PDE10A: variants seen among roughly 807,000 people sequenced by gnomAD.
PDE10A encodes the protein phosphodiesterase 10A, also known as cAMP and cAMP-inhibited cGMP 3',5'-cyclic phosphodiesterase 10A.
In PDE10A, 39 loss-of-function variants were observed where a neutral mutation model predicts 97.7. The observed-to-expected ratio is 0.40, with a 90% CI of 0.31 to 0.52. PDE10A has a LOEUF of 0.52. Among genes scored for constraint, PDE10A ranks in the 20% least tolerant of loss-of-function variants. The pLI, the probability that PDE10A is intolerant of heterozygous loss-of-function variation, is 0.56. For missense variants in PDE10A, 731 were observed against 1,047.8 expected (o/e 0.70, Z 4.17); for synonymous variants, 371 against 376.8 (o/e 0.98, Z 0.18).
Position 165,661,832 on chromosome 6 carries a change from G to A in PDE10A, c.865+115C>T, listed in dbSNP as rs972758458. ...GAAGCCCCCTGGGCGCTCCACGCCCGGGCACGGGCACCTCGCTCGACACCC... is the reference window on the plus strand; with the variant it reads ...GAAGCCCCCTGGGCGCTCCACGCCCAGGCACGGGCACCTCGCTCGACACCC... On this transcript the variant is annotated intron_variant, in intron 1 of 21. Coordinates refer to ENST00000539869, the MANE Select transcript of PDE10A (RefSeq NM_001385079.1). This position sits in a 1 kb window ranked among gnomAD's most constrained non-coding sequence, Gnocchi z 4.8. The A allele has an allele frequency of 5.0e-6, 3 of 594,292 alleles. No homozygotes were observed. Among genetic ancestry groups the A allele is most frequent in the Admixed American group, 2.8e-5 (1 of 35,672 alleles). 36.8% of individuals were successfully genotyped at this position (594,292 alleles called of 1,614,324 possible). A position where few individuals can be genotyped will look rare whatever the true frequency, so the allele number is the denominator to read the frequency against.
intron 3 of PDE10A, among the ~76,000 whole-genome samples, chr6:165,469,396 T>G (rs1184614771): frequency 6.6e-6 from 1 of 152,170 alleles, no homozygotes; most frequent in Non-Finnish European, 1.5e-5. Context: ...GGAGTGACGC[T>G]CCACACGGGT....
chr6:165,790,776 AT>A lies in PDE10A; in HGVS notation c.-615+196752del, dbSNP rs574452916. Among the ~76,000 whole-genome samples the A allele has an allele frequency of 9.9e-5, 15 of 152,212 alleles. No homozygotes were observed. In the East Asian group the frequency reaches 2.9e-3, roughly 29 times the overall value. On this transcript the variant is annotated intron_variant, in intron 1 of 19. Transcript: ENST00000366882. ...TCATTCTTGGCTGGAAAGTGTGTGG[AT>A]TGAGCACACTGTGTCCTGTGATGTG...
At chr6:165,783,897 A>G (rs963789614) in intron 1 of PDE10A, among the ~76,000 whole-genome samples, 10 of 152,198 alleles carry the variant, frequency 6.6e-5, no homozygotes, top group African/African-American at 1.7e-4. Context: ...ACTGGTGTTC[A>G]AGAAGAAAGT....
At chr6:165,451,255 G>A (rs1196989904) in intron 3 of PDE10A, among the ~76,000 whole-genome samples, 1 of 152,156 alleles carries the variant, frequency 6.6e-6, no homozygotes. Context: ...GGAAACAGCA[G>A]GTGGACAGGG....
chr6:165,919,717 C>G (rs916240788), intron 1 of PDE10A, among the ~76,000 whole-genome samples: 1 of 152,214 alleles, frequency 6.6e-6, no homozygotes, highest in Non-Finnish European at 1.5e-5. Flanking sequence ...CCAACCCAAG[C>G]AAACCATTCT....
At chr6:165,895,824 C>A (rs1277364442) in intron 1 of PDE10A, among the ~76,000 whole-genome samples, 1 of 152,200 alleles carries the variant, frequency 6.6e-6, no homozygotes, top group African/African-American at 2.4e-5. Flanking sequence ...GCTCCCCAGT[C>A]CTGTCAATGG....
chr6:165,649,442 G>C (rs117912702), intron 1 of PDE10A, among the ~76,000 whole-genome samples: 2 of 151,878 alleles, frequency 1.3e-5, no homozygotes, highest in Non-Finnish European at 2.9e-5. Context: ...GGAAAACCAG[G>C]GCGGAGGGCA....
rs200141487 is a variant in PDE10A, at chr6:165,862,676, C to CT, written c.-615+124852dup. On this transcript the variant is annotated intron_variant, in intron 1 of 19. Coordinates refer to the PDE10A transcript ENST00000366882. ...TAGAACCTCAACAGAAGCAGTCGTC[C>CT]TTTTTTTTTTTTTTTTTTTTTGAGA... is the stretch of plus-strand genomic sequence containing the variant. 5.8e-3 allele frequency among the ~76,000 whole-genome samples: 816 copies of CT among 140,744 alleles called. 9 individuals carry two copies. The highest frequency in any genetic ancestry group is 0.014 in the African/African-American group (528 of 37,912). 92.3% of individuals were successfully genotyped at this position (140,744 alleles called of 152,430 possible). A position where few individuals can be genotyped will look rare whatever the true frequency, so the allele number is the denominator to read the frequency against.
chr6:165,744,853 TAA>T (rs3049879), intron 1 of PDE10A, among the ~76,000 whole-genome samples: 3,523 of 147,610 alleles, frequency 0.024, 132 homozygotes, highest in African/African-American at 0.082. Flanking sequence ...CAGTACTGCT[TAA>T]AAAAAAAAAA....
At chr6:165,681,341 C>G (rs574895387) in intron 1 of PDE10A, among the ~76,000 whole-genome samples, 1 of 152,070 alleles carries the variant, frequency 6.6e-6, no homozygotes, top group East Asian at 1.9e-4. Context: ...AAGAAAATTT[C>G]AAAATTACTC....
At chr6:165,897,047 T>C (rs553387925) in intron 1 of PDE10A, among the ~76,000 whole-genome samples, 20 of 152,262 alleles carry the variant, frequency 1.3e-4, no homozygotes, top group Non-Finnish European at 2.6e-4. Flanking sequence ...TTCATGGCCA[T>C]CTTGAGGCAC....
Position 165,418,831 on chromosome 6 carries a change from C to A in PDE10A, c.1654-54G>T, listed in dbSNP as rs916211503. 18 of 1,466,860 alleles carry A rather than the reference C, an allele frequency of 1.2e-5. No homozygotes were observed. The highest frequency in any genetic ancestry group is 1.8e-5 in the Admixed American group (1 of 56,782). 90.9% of individuals were successfully genotyped at this position (1,466,860 alleles called of 1,614,324 possible). On this transcript the variant is annotated intron_variant, in intron 10 of 21. Transcript: ENST00000539869. The surrounding 1 kb of genome is among the most constrained non-coding windows in gnomAD (Gnocchi z 4.8). ...GACAATGAGACATTCAAAGAACTTGCAGGTAAACTTTATCATAAAATAAGT... is the reference window on the plus strand; with the variant it reads ...GACAATGAGACATTCAAAGAACTTGAAGGTAAACTTTATCATAAAATAAGT...
chr6:165,887,061 G>A (rs1781648977), intron 1 of PDE10A, among the ~76,000 whole-genome samples: 1 of 152,098 alleles, frequency 6.6e-6, no homozygotes, highest in African/African-American at 2.4e-5. Flanking sequence ...TTAAACAATT[G>A]GGGAGATTTA....
intron 1 of PDE10A, among the ~76,000 whole-genome samples, chr6:165,743,673 CAG>C (rs1168193580): frequency 6.6e-6 from 1 of 152,208 alleles, no homozygotes; most frequent in Non-Finnish European, 1.5e-5. Context: ...CTTCCTCTGA[CAG>C]ATAACACAGT....
intron 1 of PDE10A, among the ~76,000 whole-genome samples, chr6:165,724,994 C>A (rs180691192): frequency 6.6e-6 from 1 of 152,280 alleles, no homozygotes; most frequent in African/African-American, 2.4e-5. Flanking sequence ...TGCCCACAGA[C>A]CTAGGTGAGA....
intron 17 of PDE10A, among the ~76,000 whole-genome samples, chr6:165,379,820 T>C (rs1053517260): frequency 6.6e-6 from 1 of 152,194 alleles, no homozygotes; most frequent in Admixed American, 6.5e-5. Flanking sequence ...GGTTGTAACA[T>C]ACCAAAACAT....
At chr6:165,528,362 G>A (rs1414907177) in intron 2 of PDE10A, among the ~76,000 whole-genome samples, 1 of 152,194 alleles carries the variant, frequency 6.6e-6, no homozygotes, top group Non-Finnish European at 1.5e-5. Flanking sequence ...ATGGGCCAAT[G>A]AACAAAGTGG....
At chr6:165,585,734 A>G (rs575039199) in intron 1 of PDE10A, among the ~76,000 whole-genome samples, 1 of 152,278 alleles carries the variant, frequency 6.6e-6, no homozygotes, top group African/African-American at 2.4e-5. Context: ...TTTAAGCCAC[A>G]ACGTTTGTGG....
chr6:165,636,667 C>T lies in PDE10A; in HGVS notation c.865+25280G>A, dbSNP rs185146044. 1.4e-3 allele frequency among the ~76,000 whole-genome samples: 215 copies of T among 152,290 alleles called. 1 individual carries two copies. Among genetic ancestry groups the T allele is most frequent in the African/African-American group, 4.8e-3 (198 of 41,540 alleles). ...ACGGTTCACAAAAGGACATTTGCCA[C>T]GCAAGCTATTATTTTGCAAAAACTG... On this transcript the variant is annotated intron_variant, in intron 1 of 21. Coordinates refer to ENST00000539869, the MANE Select transcript of PDE10A (RefSeq NM_001385079.1).
Sources: allele counts gnomAD v4.1 joint callset (sites outside exome capture counted in the v4.1 genomes callset), GRCh38; gene constraint gnomAD v4.1.1; non-coding constraint Gnocchi (gnomAD v3.1); transcripts MANE v1.5; gene names NCBI Gene and HGNC (gene_info 2026-07-23, HGNC 2026-07-21).